The following ZNF385B variants were observed in gnomAD, a reference collection of about 807,000 sequenced individuals.
ZNF385B encodes zinc finger protein 533.
ZNF385B carries 23 observed loss-of-function variants against 39.2 expected under a neutral mutation model. The observed-to-expected ratio is 0.59, with a 90% CI of 0.42 to 0.83. The LOEUF (loss-of-function observed/expected upper bound fraction) is 0.83. Ranked by LOEUF, ZNF385B falls within the 40% of genes least tolerant of loss-of-function variation. The pLI is 0.00. For missense variants in ZNF385B, 552 were observed against 598.9 expected (o/e 0.92, Z 0.82); for synonymous variants, 205 against 222.6 (o/e 0.92, Z 0.70).
chr2:179,780,521 C>G (rs1455047428), intron 1 of ZNF385B, among the ~76,000 whole-genome samples: 1 of 152,160 alleles, frequency 6.6e-6, no homozygotes, highest in Non-Finnish European at 1.5e-5. Context: ...TTCTGTTTTC[C>G]ACATTCCATT....
At chr2:179,635,527 TATA>T (rs895450060) in intron 3 of ZNF385B, among the ~76,000 whole-genome samples, 1 of 151,880 alleles carries the variant, frequency 6.6e-6, no homozygotes, top group African/African-American at 2.4e-5. Flanking sequence ...GAACTTAAAG[TATA>T]ATAATAATAA....
chr2:179,853,413 A>G (rs1684336631), intron 1 of ZNF385B, among the ~76,000 whole-genome samples: 1 of 152,208 alleles, frequency 6.6e-6, no homozygotes, highest in African/African-American at 2.4e-5. Flanking sequence ...TGGTCTTCCA[A>G]AAGTTCAAGA....
intron 5 of ZNF385B, among the ~76,000 whole-genome samples, chr2:179,492,252 T>C (rs1488755111): frequency 1.3e-5 from 2 of 152,188 alleles, no homozygotes; most frequent in African/African-American, 4.8e-5. Context: ...AGAGTACTGC[T>C]ATCTTTCAGT....
chr2:179,769,221 C>T (rs893185866), intron 3 of ZNF385B, among the ~76,000 whole-genome samples: 2 of 152,140 alleles, frequency 1.3e-5, no homozygotes, highest in African/African-American at 2.4e-5. Flanking sequence ...AAAATACATT[C>T]AGAAGTGTTC....
chr2:179,689,497 G>C (rs1698179275), intron 3 of ZNF385B, among the ~76,000 whole-genome samples: 1 of 152,196 alleles, frequency 6.6e-6, no homozygotes, highest in African/African-American at 2.4e-5. Flanking sequence ...ACAACTGCAG[G>C]AGAGAGAACT....
chr2:179,730,045 C>T (rs544036506), intron 3 of ZNF385B, among the ~76,000 whole-genome samples: 2 of 152,190 alleles, frequency 1.3e-5, no homozygotes, highest in Non-Finnish European at 2.9e-5. Context: ...CCATAGTATC[C>T]CCAGGCTAGG....
At chr2:179,672,960 T>C (rs1696237571) in intron 3 of ZNF385B, among the ~76,000 whole-genome samples, 1 of 152,162 alleles carries the variant, frequency 6.6e-6, no homozygotes, top group Non-Finnish European at 1.5e-5. Flanking sequence ...TCTGCTCCTC[T>C]GCAAGGTGGG....
In ZNF385B at chr2:179,663,713, CAAAAA is replaced by C. The variant is rs71401756; in HGVS notation, c.298+105785_298+105789del. ...TGGGCGACAGAGCGAGACTCCGTCT[CAAAAA>C]AAAAAAAAAAAAAAAAAAAATCTCA... On this transcript the variant is annotated intron_variant, in intron 3 of 9. Coordinates refer to ENST00000410066, the MANE Select transcript of ZNF385B (RefSeq NM_152520.6). Among the ~76,000 whole-genome samples the C allele has an allele frequency of 7.1e-3, 484 of 67,724 alleles. 4 individuals carry two copies. Among genetic ancestry groups the C allele is most frequent in the African/African-American group, 0.031 (457 of 14,616 alleles). 44.4% of individuals were successfully genotyped at this position (67,724 alleles called of 152,430 possible). A position where few individuals can be genotyped will look rare whatever the true frequency, so the allele number is the denominator to read the frequency against.
chr2:179,809,228 T>C (rs1247451281), intron 1 of ZNF385B, among the ~76,000 whole-genome samples: 1 of 152,172 alleles, frequency 6.6e-6, no homozygotes, highest in Non-Finnish European at 1.5e-5. Flanking sequence ...AATCTGAGAT[T>C]CAGTTACATG....
intron 3 of ZNF385B, among the ~76,000 whole-genome samples, chr2:179,734,911 C>A: frequency 6.6e-6 from 1 of 152,050 alleles, no homozygotes. Flanking sequence ...AACGTCAGAC[C>A]TAAAACCATA....
chr2:179,721,867 A>G (rs1700718180), intron 3 of ZNF385B, among the ~76,000 whole-genome samples: 1 of 152,090 alleles, frequency 6.6e-6, no homozygotes, highest in South Asian at 2.1e-4. Context: ...GGAATAAGAC[A>G]AAAACAAACA....
chr2:179,594,440 T>C (rs1339317108), intron 3 of ZNF385B, among the ~76,000 whole-genome samples: 2 of 152,190 alleles, frequency 1.3e-5, no homozygotes, highest in Non-Finnish European at 2.9e-5. Context: ...TTGCGTATGT[T>C]ACAGCAGGGA....
At chr2:179,591,771 A>C (rs558298426) in intron 3 of ZNF385B, among the ~76,000 whole-genome samples, 2 of 152,248 alleles carry the variant, frequency 1.3e-5, no homozygotes, top group African/African-American at 4.8e-5. Flanking sequence ...CCTCATTAAT[A>C]GATAAACTGA....
intron 3 of ZNF385B, among the ~76,000 whole-genome samples, chr2:179,639,916 A>G (rs1692113159): frequency 6.6e-6 from 1 of 152,212 alleles, no homozygotes; most frequent in South Asian, 2.1e-4. Context: ...AAACACATTG[A>G]CATCTTACAT....
At chr2:179,475,191 T>A (rs900078506) in intron 6 of ZNF385B, among the ~76,000 whole-genome samples, 1 of 152,100 alleles carries the variant, frequency 6.6e-6, no homozygotes, top group Non-Finnish European at 1.5e-5. Flanking sequence ...TGCTGTTACA[T>A]GCTGTTAGTC....
chr2:179,735,888 G>C (rs1340224586), intron 3 of ZNF385B, among the ~76,000 whole-genome samples: 2 of 120,172 alleles, frequency 1.7e-5, no homozygotes, highest in Admixed American at 9.4e-5. Flanking sequence ...GTTGTGGGGT[G>C]GGGGGAGGGG....
chr2:179,472,695 T>C (rs2052915265), intron 6 of ZNF385B, among the ~76,000 whole-genome samples: 1 of 152,194 alleles, frequency 6.6e-6, no homozygotes, highest in African/African-American at 2.4e-5. Flanking sequence ...AGTTTCTGCT[T>C]TTTTACTGAC....
intron 1 of ZNF385B, among the ~76,000 whole-genome samples, chr2:179,823,774 C>T (rs1186386654): frequency 6.6e-6 from 1 of 152,120 alleles, no homozygotes; most frequent in Non-Finnish European, 1.5e-5. Flanking sequence ...ACTCTAAGAT[C>T]TTCCTCTGTC....
intron 3 of ZNF385B, among the ~76,000 whole-genome samples, chr2:179,615,278 C>T (rs1043116734): frequency 2.6e-5 from 4 of 152,220 alleles, no homozygotes; most frequent in East Asian, 1.9e-4. Context: ...TTTCCAAAGA[C>T]GATAAGAAGA....
Sources: allele counts gnomAD v4.1 joint callset (sites outside exome capture counted in the v4.1 genomes callset), GRCh38; gene constraint gnomAD v4.1.1; transcripts MANE v1.5; gene names NCBI Gene and HGNC (gene_info 2026-07-23, HGNC 2026-07-21).